CDYL: variants seen among roughly 807,000 people sequenced by gnomAD.
CDYL encodes the protein chromodomain Y-like protein.
In CDYL, 8 loss-of-function variants were observed where a neutral mutation model predicts 47.3. The observed-to-expected ratio is 0.17, with a 90% CI of 0.10 to 0.31. The LOEUF (loss-of-function observed/expected upper bound fraction) is 0.31, where lower values mean the gene tolerates loss of function less well. Ranked by LOEUF, CDYL falls within the 10% of genes least tolerant of loss-of-function variation. The pLI is 1.00. For synonymous variants in CDYL, 266 were observed against 265.0 expected, an observed-to-expected ratio of 1.00 and a Z score of -0.04; for missense variants, 471 against 701.4, an observed-to-expected ratio of 0.67 and a Z score of 3.71.
intron 2 of CDYL, among the ~76,000 whole-genome samples, chr6:4,913,307 T>C (rs1029709620): frequency 2.6e-5 from 4 of 152,242 alleles, no homozygotes; most frequent in African/African-American, 9.7e-5. Flanking sequence ...GTGCCATCTT[T>C]TAAAGCATTA....
intron 2 of CDYL, among the ~76,000 whole-genome samples, chr6:4,893,767 T>C (rs17138931): frequency 0.025 from 3,756 of 152,000 alleles, 98 homozygotes; most frequent in East Asian, 0.11. Flanking sequence ...AGTAGAATAA[T>C]AGCAAACAAA....
intron 1 of CDYL, among the ~76,000 whole-genome samples, chr6:4,881,229 T>C (rs756557451): frequency 3.3e-5 from 5 of 152,170 alleles, no homozygotes; most frequent in Non-Finnish European, 5.9e-5. Flanking sequence ...TTTTTGGTTT[T>C]TGTTCCTCTG....
intron 6 of CDYL, 66 bp downstream of exon 6, chr6:4,952,475 C>A: frequency 2.0e-6 from 3 of 1,529,114 alleles, no homozygotes; most frequent in South Asian, 1.3e-5. Context: ...TCAGAGAGCT[C>A]ACAAATTTGC....
intron 2 of CDYL, among the ~76,000 whole-genome samples, chr6:4,724,139 C>T (rs367652698): frequency 2.6e-5 from 4 of 152,284 alleles, no homozygotes; most frequent in South Asian, 2.1e-4. Flanking sequence ...CTCCTGGGTT[C>T]AAATGATTCT....
At chr6:4,752,896 GTATGTAGGTAGGTAGA>G (rs372252624) in intron 3 of CDYL, among the ~76,000 whole-genome samples, 101 of 150,468 alleles carry the variant, frequency 6.7e-4, no homozygotes, top group Middle Eastern at 3.4e-3. Context: ...AGGTAGGTAG[GTATGTAGGTAGGTAGA>G]TAGATAGATA....
At chr6:4,723,962 A>G (rs928989168) in intron 2 of CDYL, among the ~76,000 whole-genome samples, 2 of 152,192 alleles carry the variant, frequency 1.3e-5, no homozygotes, top group East Asian at 1.9e-4. Flanking sequence ...TGGGGATTAA[A>G]AGAGAGATTT....
intron 3 of CDYL, among the ~76,000 whole-genome samples, chr6:4,758,437 G>T (rs1382418594): frequency 6.6e-6 from 1 of 151,120 alleles, no homozygotes; most frequent in Non-Finnish European, 1.5e-5. Flanking sequence ...GAGACGGGTG[G>T]ATCACTTGAG....
At chr6:4,922,614 C>T (rs748567148) in intron 2 of CDYL, among the ~76,000 whole-genome samples, 6 of 152,214 alleles carry the variant, frequency 3.9e-5, no homozygotes, top group African/African-American at 1.4e-4. Context: ...GAGCTCCCTG[C>T]TGGTTGCCAG....
chr6:4,911,380 A>C (rs1017577745), intron 2 of CDYL, among the ~76,000 whole-genome samples: 2 of 152,232 alleles, frequency 1.3e-5, no homozygotes, highest in African/African-American at 2.4e-5. Flanking sequence ...TCACACATAC[A>C]TGCGCACAGT....
chr6:4,937,162 T>C (rs1337561798), intron 3 of CDYL, among the ~76,000 whole-genome samples: 2 of 151,148 alleles, frequency 1.3e-5, no homozygotes, highest in Non-Finnish European at 2.9e-5. Flanking sequence ...TTCAAGACCA[T>C]CCTAGACAAC....
intron 3 of CDYL, among the ~76,000 whole-genome samples, chr6:4,766,438 C>A (rs960189208): frequency 6.6e-5 from 10 of 151,566 alleles, no homozygotes; most frequent in African/African-American, 2.4e-4. Context: ...CTCGATCTCC[C>A]GACCTCAGGT....
chr6:4,862,208 G>T (rs808605), intron 1 of CDYL, among the ~76,000 whole-genome samples: 1 of 152,058 alleles, frequency 6.6e-6, no homozygotes, highest in African/African-American at 2.4e-5. Context: ...CCCTGTAATC[G>T]CCCCTGATCC....
At chr6:4,712,048 G>C (rs1757161458) in intron 1 of CDYL, among the ~76,000 whole-genome samples, 1 of 152,070 alleles carries the variant, frequency 6.6e-6, no homozygotes, top group Non-Finnish European at 1.5e-5. Flanking sequence ...CCAGGTGACA[G>C]AGCAAGACCG....
chr6:4,918,310 T>C (rs1171949535), intron 2 of CDYL, among the ~76,000 whole-genome samples: 1 of 152,254 alleles, frequency 6.6e-6, no homozygotes, highest in African/African-American at 2.4e-5. Context: ...TTAATTGTTG[T>C]TGTTATTGTT....
At chr6:4,744,285 G>A (rs1757849704) in intron 3 of CDYL, among the ~76,000 whole-genome samples, 1 of 152,178 alleles carries the variant, frequency 6.6e-6, no homozygotes, top group Non-Finnish European at 1.5e-5. Context: ...TTGAGGCCAG[G>A]AATTTAAGGC....
At chr6:4,932,937 C>T (rs1161596574) in intron 2 of CDYL, among the ~76,000 whole-genome samples, 2 of 152,178 alleles carry the variant, frequency 1.3e-5, no homozygotes, top group Non-Finnish European at 2.9e-5. Flanking sequence ...ACTCTTCACG[C>T]CATAGTGAAG....
At chr6:4,834,938 C>G (rs1192596176) in intron 1 of CDYL, among the ~76,000 whole-genome samples, 1 of 152,152 alleles carries the variant, frequency 6.6e-6, no homozygotes, top group Non-Finnish European at 1.5e-5. Flanking sequence ...CCCCTTTAAG[C>G]ACTTCTCTGT....
intron 3 of CDYL, among the ~76,000 whole-genome samples, chr6:4,756,582 G>A (rs918128327): frequency 3.0e-5 from 4 of 135,342 alleles, no homozygotes; most frequent in Non-Finnish European, 6.6e-5. Flanking sequence ...TCGTGTGTAT[G>A]TGTGTGTGTG....
chr6:4,717,808 T>C (rs1275924886), intron 2 of CDYL, among the ~76,000 whole-genome samples: 1 of 151,490 alleles, frequency 6.6e-6, no homozygotes, highest in African/African-American at 2.4e-5. Context: ...TCTTATTTTT[T>C]ACATTGTCTT....
Sources: allele counts gnomAD v4.1 joint callset (sites outside exome capture counted in the v4.1 genomes callset), GRCh38; gene constraint gnomAD v4.1.1; transcripts MANE v1.5; gene names NCBI Gene and HGNC (gene_info 2026-07-23, HGNC 2026-07-21).